Variants in RPS6KC1 observed in about 807,000 individuals in gnomAD.
RPS6KC1 encodes the protein ribosomal protein S6 kinase C1, also known as inactive ribosomal protein S6 kinase delta-1.
Under a neutral mutation model 103.8 loss-of-function variants are expected in RPS6KC1, and 54 were observed. The ratio of observed to expected loss-of-function variants is 0.52; its 90% CI spans 0.42 to 0.65. The LOEUF (loss-of-function observed/expected upper bound fraction) is 0.65, where lower values mean the gene tolerates loss of function less well. Ranked by LOEUF, RPS6KC1 falls within the 30% of genes least tolerant of loss-of-function variation. The pLI, the probability that RPS6KC1 is intolerant of heterozygous loss-of-function variation, is 0.00. For synonymous variants in RPS6KC1, 439 were observed against 438.7 expected (o/e 1.00, Z -0.01); for missense variants, 1,151 against 1,253.8 (o/e 0.92, Z 1.24).
chr1:213,836,669 A>G, the RPS6KC1 span, among the ~76,000 whole-genome samples: 2 of 152,208 alleles, frequency 1.3e-5, no homozygotes, highest in African/African-American at 4.8e-5. Flanking sequence ...TACATATATT[A>G]TTGAAACAAA....
At chr1:213,789,791 C>T in the RPS6KC1 span, among the ~76,000 whole-genome samples, 1 of 152,146 alleles carries the variant, frequency 6.6e-6, no homozygotes, top group East Asian at 1.9e-4. Flanking sequence ...AACATTGTCA[C>T]GAATTTGCCT....
At chr1:213,475,815 G>A in the RPS6KC1 span, among the ~76,000 whole-genome samples, 1 of 152,222 alleles carries the variant, frequency 6.6e-6, no homozygotes, top group Non-Finnish European at 1.5e-5. Flanking sequence ...TGGCGGAAAA[G>A]AGATGGTGGG....
chr1:213,649,016 G>C, the RPS6KC1 span, among the ~76,000 whole-genome samples: 1 of 152,074 alleles, frequency 6.6e-6, no homozygotes, highest in Non-Finnish European at 1.5e-5. Context: ...ACCTACAAAC[G>C]CTCCCTTTTG....
intron 1 of RPS6KC1, among the ~76,000 whole-genome samples, chr1:213,070,254 T>G (rs1296817298): frequency 6.6e-6 from 1 of 152,198 alleles, no homozygotes; most frequent in Non-Finnish European, 1.5e-5. Context: ...CAGCTGCTTT[T>G]TATGCTTCTA....
At chr1:213,611,336 C>T in the RPS6KC1 span, among the ~76,000 whole-genome samples, 2 of 152,078 alleles carry the variant, frequency 1.3e-5, no homozygotes, top group African/African-American at 4.8e-5. Flanking sequence ...CCATGAAGCA[C>T]ATGTTTTTCT....
the RPS6KC1 span, among the ~76,000 whole-genome samples, chr1:213,440,799 G>C: frequency 6.6e-6 from 1 of 152,134 alleles, no homozygotes; most frequent in African/African-American, 2.4e-5. Flanking sequence ...CATTTACCTA[G>C]ATCTTACTAC....
chr1:213,140,739 A>T (rs2086919887), intron 6 of RPS6KC1, among the ~76,000 whole-genome samples: 1 of 151,920 alleles, frequency 6.6e-6, no homozygotes, highest in African/African-American at 2.4e-5. Context: ...TCCTTTTGCT[A>T]GTATTTTATT....
chr1:213,772,342 C>A, the RPS6KC1 span, among the ~76,000 whole-genome samples: 2 of 152,146 alleles, frequency 1.3e-5, no homozygotes, highest in Non-Finnish European at 2.9e-5. Flanking sequence ...CCTTTCTTTG[C>A]GCAGGACACA....
the RPS6KC1 span, among the ~76,000 whole-genome samples, chr1:213,729,791 G>C: frequency 6.6e-6 from 1 of 151,634 alleles, no homozygotes; most frequent in Non-Finnish European, 1.5e-5. Context: ...TTAACTTTAA[G>C]CTTGAGGGCA....
the RPS6KC1 span, among the ~76,000 whole-genome samples, chr1:213,433,869 C>T: frequency 6.6e-6 from 1 of 152,294 alleles, no homozygotes; most frequent in Middle Eastern, 3.4e-3. Context: ...AGATATATGA[C>T]TTACAAATAT....
intron 8 of RPS6KC1, among the ~76,000 whole-genome samples, chr1:213,193,768 A>G (rs1055886149): frequency 2.6e-5 from 4 of 151,916 alleles, no homozygotes; most frequent in African/African-American, 9.7e-5. Flanking sequence ...AGCTGGGACT[A>G]TAGGTGCGCA....
chr1:213,091,351 C>T (rs1016568568), intron 3 of RPS6KC1, among the ~76,000 whole-genome samples: 4 of 151,674 alleles, frequency 2.6e-5, no homozygotes, highest in South Asian at 2.1e-4. Flanking sequence ...TGAGCCACCG[C>T]GCCCGGCCTG....
At chr1:213,746,834 T>C in the RPS6KC1 span, among the ~76,000 whole-genome samples, 1 of 152,022 alleles carries the variant, frequency 6.6e-6, no homozygotes, top group South Asian at 2.1e-4. Context: ...GCTCAAGCAA[T>C]TGAAAGAGCT....
the RPS6KC1 span, among the ~76,000 whole-genome samples, chr1:213,376,097 TG>T: frequency 1.7e-5 from 2 of 119,540 alleles, no homozygotes; most frequent in African/African-American, 2.8e-5. Context: ...TGTGTGTGTG[TG>T]TGTGTGTGTG....
At chr1:213,197,290 T>G (rs1205262899) in intron 8 of RPS6KC1, among the ~76,000 whole-genome samples, 1 of 152,182 alleles carries the variant, frequency 6.6e-6, no homozygotes, top group African/African-American at 2.4e-5. Flanking sequence ...CCATATGAAT[T>G]TTAGGACTCT....
the RPS6KC1 span, among the ~76,000 whole-genome samples, chr1:213,675,307 A>C: frequency 6.6e-6 from 1 of 152,162 alleles, no homozygotes; most frequent in Admixed American, 6.5e-5. Flanking sequence ...TAGCTAGTAG[A>C]GCCCTTGGAG....
the RPS6KC1 span, among the ~76,000 whole-genome samples, chr1:213,779,932 T>C: frequency 3.9e-5 from 6 of 152,210 alleles, no homozygotes; most frequent in Non-Finnish European, 7.3e-5. Context: ...CTGTGTCCTA[T>C]GATGTCTTTG....
At chr1:213,057,776 T>TTC (rs2077461608) in intron 1 of RPS6KC1, among the ~76,000 whole-genome samples, 1 of 136,180 alleles carries the variant, frequency 7.3e-6, no homozygotes, top group Non-Finnish European at 1.6e-5. Context: ...TTTTTTTTTT[T>TTC]CCTTTGAGAC....
At chr1:213,597,064 G>A in the RPS6KC1 span, among the ~76,000 whole-genome samples, 2 of 152,136 alleles carry the variant, frequency 1.3e-5, no homozygotes, top group Non-Finnish European at 1.5e-5. Context: ...AAGGAGGATG[G>A]CATACATACC....
Sources: gnomAD v4.1 joint callset for allele counts (sites outside exome capture counted in the v4.1 genomes callset) on GRCh38, gnomAD v4.1.1 for gene constraint, MANE v1.5 for transcripts, NCBI Gene and HGNC (gene_info 2026-07-23, HGNC 2026-07-21) for gene names.